The following NELL1 variants were observed in gnomAD, a reference collection of about 807,000 sequenced individuals.
NELL1 encodes the protein neural EGFL like 1.
A neutral mutation model predicts 107.4 loss-of-function variants in NELL1; 76 were observed. The observed-to-expected ratio is 0.71, with a 90% CI of 0.59 to 0.86. The LOEUF is 0.86. Ranked by LOEUF, NELL1 falls within the 40% of genes least tolerant of loss-of-function variation. The probability of loss-of-function intolerance (pLI) is 0.00; values close to 1 mark genes in which losing one functional copy is unlikely to be tolerated. For missense variants in NELL1, 1,024 were observed against 1,005.5 expected (o/e 1.02, Z -0.25); for synonymous variants, 353 against 341.2 (o/e 1.03, Z -0.38).
chr11:20,893,774 A>G (rs980668292), intron 5 of NELL1, among the ~76,000 whole-genome samples: 4 of 151,928 alleles, frequency 2.6e-5, no homozygotes, highest in Admixed American at 2.6e-4. Flanking sequence ...TATTGAATTC[A>G]TAAAACCCAA....
intron 3 of NELL1, among the ~76,000 whole-genome samples, chr11:20,831,697 G>A (rs1407092657): frequency 6.6e-6 from 1 of 152,106 alleles, no homozygotes. Flanking sequence ...TTGGGCTTAG[G>A]TGTTTCAAGT....
At chr11:20,717,688 G>T (rs1285542978) in intron 2 of NELL1, among the ~76,000 whole-genome samples, 1 of 152,050 alleles carries the variant, frequency 6.6e-6, no homozygotes, top group Non-Finnish European at 1.5e-5. Flanking sequence ...TCTTACCTTT[G>T]AGGGTTCCCC....
intron 15 of NELL1, among the ~76,000 whole-genome samples, chr11:21,502,954 C>G (rs1387516504): frequency 6.6e-6 from 1 of 152,114 alleles, no homozygotes; most frequent in Non-Finnish European, 1.5e-5. Flanking sequence ...ATGATCTAGG[C>G]TCACCACAAC....
intron 18 of NELL1, 142 bp from the exon 19 acceptor site, chr11:21,573,042 AG>A: frequency 1.5e-6 from 1 of 652,398 alleles, no homozygotes. Context: ...GTCTTCAAGG[AG>A]GAAGTGTACT....
intron 3 of NELL1, among the ~76,000 whole-genome samples, chr11:20,832,164 C>G (rs867537865): frequency 1.3e-5 from 2 of 152,254 alleles, no homozygotes; most frequent in East Asian, 1.9e-4. Context: ...TATGAATGAC[C>G]GTTACCACTT....
chr11:21,401,152 T>C (rs1852088404), intron 15 of NELL1, among the ~76,000 whole-genome samples: 1 of 151,914 alleles, frequency 6.6e-6, no homozygotes, highest in Non-Finnish European at 1.5e-5. Flanking sequence ...CCACGTGCTA[T>C]AAAACAATCT....
intron 14 of NELL1, among the ~76,000 whole-genome samples, chr11:21,290,398 G>GATAAATAA (rs367977438): frequency 0.29 from 42,311 of 146,128 alleles, 6,495 homozygotes; most frequent in Non-Finnish European, 0.34. Flanking sequence ...AAAATAAATA[G>GATAAATAA]ATAAATAAAT....
In NELL1 at chr11:21,304,248, A is replaced by G. The variant is rs563560092; in HGVS notation, c.1550-66605A>G. 2.0e-5 allele frequency among the ~76,000 whole-genome samples: 3 copies of G among 152,164 alleles called. No homozygotes were observed. The South Asian group carries it at 6.2e-4, about 32-fold the overall frequency. ...TTAACATGTACTTAGACTATTCCAC[A>G]CACTGTCTAAATGCGTCCTATGTAT... On this transcript the variant is annotated intron_variant, in intron 14 of 19. Transcript: ENST00000357134.
chr11:20,976,731 A>T (rs11025845), intron 12 of NELL1, among the ~76,000 whole-genome samples: 1 of 152,182 alleles, frequency 6.6e-6, no homozygotes, highest in African/African-American at 2.4e-5. Flanking sequence ...TCTGTGGATC[A>T]TATTTTCAAA....
chr11:20,788,082 T>C (rs918750120), intron 3 of NELL1, among the ~76,000 whole-genome samples: 1 of 152,270 alleles, frequency 6.6e-6, no homozygotes, highest in Admixed American at 6.5e-5. Flanking sequence ...TGTTTGGATA[T>C]AATACATTAT....
At chr11:21,520,588 C>G (rs756402325) in intron 15 of NELL1, among the ~76,000 whole-genome samples, 2 of 152,094 alleles carry the variant, frequency 1.3e-5, no homozygotes. Flanking sequence ...TTGCATGGAT[C>G]CCATAGAGTC....
rs140413441 is a variant in NELL1 at position 20,818,910 on chromosome 11, G to A, written c.336-28673G>A. On this transcript the variant is annotated intron_variant, in intron 3 of 19. Coordinates refer to ENST00000357134, the MANE Select transcript of NELL1 (RefSeq NM_006157.5). ...TGCTAGGTACTTCAAATGTGTGGTGGCATTTAATCTGTACAAAACAGTAAG... is the reference window on the plus strand; with the variant it reads ...TGCTAGGTACTTCAAATGTGTGGTGACATTTAATCTGTACAAAACAGTAAG... Among the ~76,000 whole-genome samples, 256 of 152,306 alleles carry A rather than the reference G, an allele frequency of 1.7e-3. 3 individuals are homozygous for A. The highest frequency in any genetic ancestry group is 6.8e-3 in the Middle Eastern group (2 of 294).
intron 2 of NELL1, among the ~76,000 whole-genome samples, chr11:20,701,557 G>C (rs917353289): frequency 6.6e-6 from 1 of 152,144 alleles, no homozygotes; most frequent in South Asian, 2.1e-4. Flanking sequence ...CATTGCTTTT[G>C]GTGTTTTAGA....
At chr11:21,073,213 C>G (rs1413282572) in intron 12 of NELL1, among the ~76,000 whole-genome samples, 2 of 152,064 alleles carry the variant, frequency 1.3e-5, no homozygotes, top group Non-Finnish European at 2.9e-5. Flanking sequence ...TGTAAATAAT[C>G]TTTGGTAACC....
chr11:21,549,579 A>G (rs1355790138), intron 16 of NELL1, among the ~76,000 whole-genome samples: 1 of 151,802 alleles, frequency 6.6e-6, no homozygotes, highest in Non-Finnish European at 1.5e-5. Context: ...TTTGCTGAAA[A>G]GTGAATTTAT....
At chr11:20,672,975 C>CT (rs1022164406) in intron 1 of NELL1, among the ~76,000 whole-genome samples, 1 of 27,820 alleles carries the variant, frequency 3.6e-5, no homozygotes, top group Non-Finnish European at 6.8e-5. Context: ...CCTCAGCCCC[C>CT]CCCCCCCCCC....
At chr11:21,422,150 CAA>C (rs58456722) in intron 15 of NELL1, among the ~76,000 whole-genome samples, 4,637 of 151,126 alleles carry the variant, frequency 0.031, 215 homozygotes, top group African/African-American at 0.11. Flanking sequence ...TGTACACGTG[CAA>C]GAGAGAGAGA....
chr11:21,079,577 A>G (rs571975971), intron 12 of NELL1, among the ~76,000 whole-genome samples: 13 of 152,196 alleles, frequency 8.5e-5, no homozygotes, highest in Non-Finnish European at 1.0e-4. Context: ...AGAAACCACA[A>G]CTACTGAGAA....
intron 14 of NELL1, among the ~76,000 whole-genome samples, chr11:21,267,842 A>G (rs1848664933): frequency 6.6e-6 from 1 of 152,136 alleles, no homozygotes; most frequent in African/African-American, 2.4e-5. Context: ...TTTCTGACTT[A>G]AAGTTTATTT....
Sources: gnomAD v4.1 joint callset for allele counts (sites outside exome capture counted in the v4.1 genomes callset) on GRCh38, gnomAD v4.1.1 for gene constraint, MANE v1.5 for transcripts, NCBI Gene and HGNC (gene_info 2026-07-23, HGNC 2026-07-21) for gene names.